The following ZCCHC14 variants were observed in gnomAD, a reference collection of about 807,000 sequenced individuals.
ZCCHC14 encodes the protein zinc finger CCHC domain-containing protein 14.
ZCCHC14 carries 16 observed loss-of-function variants against 85.0 expected under a neutral mutation model. That is an observed-to-expected ratio of 0.19 (90% confidence interval 0.13 to 0.29). The LOEUF (loss-of-function observed/expected upper bound fraction) is 0.29, where lower values mean the gene tolerates loss of function less well. Among genes scored for constraint, ZCCHC14 ranks in the 10% least tolerant of loss-of-function variants. The pLI is 1.00. For synonymous variants in ZCCHC14, 775 were observed against 630.7 expected, an observed-to-expected ratio of 1.23 and a Z score of -3.43; for missense variants, 1,303 against 1,443.5, an observed-to-expected ratio of 0.90 and a Z score of 1.58.
intron 1 of ZCCHC14, chr16:87,473,184 G>C (rs553136258): frequency 1.3e-5 from 2 of 151,964 alleles, no homozygotes; most frequent in Non-Finnish European, 2.9e-5. Context: ...CATTCCCTGA[G>C]GTTATCTTTA....
chr16:87,478,480 G>A (rs1912122649), intron 1 of ZCCHC14, among the ~76,000 whole-genome samples: 1 of 152,188 alleles, frequency 6.6e-6, no homozygotes, highest in Non-Finnish European at 1.5e-5. Context: ...CTGGAGTCAG[G>A]AGAATCTCCC....
At chr16:87,427,276 T>G (rs147100083) in intron 3 of ZCCHC14, among the ~76,000 whole-genome samples, 368 of 152,342 alleles carry the variant, frequency 2.4e-3, no homozygotes, top group Non-Finnish European at 4.4e-3. Context: ...GCCTGAGGAA[T>G]CACTGGGCCC....
intron 3 of ZCCHC14, among the ~76,000 whole-genome samples, chr16:87,425,010 C>G (rs1909295198): frequency 6.6e-6 from 1 of 152,194 alleles, no homozygotes; most frequent in Admixed American, 6.5e-5. Flanking sequence ...CACCCACACC[C>G]ACACCCACAT....
At chr16:87,468,976 T>G (rs918447878) in intron 1 of ZCCHC14, among the ~76,000 whole-genome samples, 1 of 152,226 alleles carries the variant, frequency 6.6e-6, no homozygotes, top group African/African-American at 2.4e-5. Flanking sequence ...TAGACATCTT[T>G]AAAAAGAATA....
intron 12 of ZCCHC14, chr16:87,411,285 A>G: frequency 7.7e-7 from 1 of 1,304,600 alleles, no homozygotes. Flanking sequence ...CACACTGGCT[A>G]AGCACCTTCT....
intron 1 of ZCCHC14, among the ~76,000 whole-genome samples, chr16:87,487,604 C>T (rs1014606285): frequency 6.6e-5 from 10 of 152,256 alleles, no homozygotes; most frequent in African/African-American, 2.2e-4. Flanking sequence ...AGGACAGCCC[C>T]GCACCGACAC....
intron 1 of ZCCHC14, among the ~76,000 whole-genome samples, chr16:87,489,979 T>A (rs1330787138): frequency 2.6e-5 from 4 of 152,184 alleles, no homozygotes; most frequent in Non-Finnish European, 5.9e-5. Flanking sequence ...ATGACTGAGA[T>A]TCCATGAATA....
chr16:87,445,484 TA>T (rs1910392532), intron 2 of ZCCHC14, among the ~76,000 whole-genome samples: 1 of 152,250 alleles, frequency 6.6e-6, no homozygotes, highest in Non-Finnish European at 1.5e-5. Flanking sequence ...TTCTTTCTGT[TA>T]ATTATGATTG....
intron 2 of ZCCHC14, among the ~76,000 whole-genome samples, chr16:87,455,585 A>T (rs1055757843): frequency 6.6e-6 from 1 of 152,166 alleles, no homozygotes; most frequent in Non-Finnish European, 1.5e-5. Context: ...TTCTTCAGGG[A>T]AATTGAGAAA....
intron 3 of ZCCHC14, among the ~76,000 whole-genome samples, chr16:87,432,825 C>G (rs901096788): frequency 1.3e-5 from 2 of 152,192 alleles, no homozygotes; most frequent in Admixed American, 6.5e-5. Flanking sequence ...TCTGTGTGCG[C>G]TGCTCCGCAG....
chr16:87,451,954 T>A (rs893225742), intron 2 of ZCCHC14, among the ~76,000 whole-genome samples: 20 of 152,254 alleles, frequency 1.3e-4, no homozygotes, highest in Non-Finnish European at 2.6e-4. Flanking sequence ...TGTCCTCGCC[T>A]GAGCAAAAGG....
intron 3 of ZCCHC14, among the ~76,000 whole-genome samples, chr16:87,428,123 A>G (rs1354237318): frequency 3.9e-5 from 6 of 152,158 alleles, no homozygotes; most frequent in African/African-American, 1.4e-4. Context: ...ACTAGCGATT[A>G]TAATTTCAGC....
rs183802164 is a variant in ZCCHC14, at chr16:87,418,066, C to A, written c.1101-324G>T. 8.5e-5 allele frequency: 29 copies of A among 340,458 alleles called. No individual in the cohort carries two copies. In the East Asian group the frequency reaches 1.2e-3, roughly 14 times the overall value. The allele number at this position is 340,458 out of a possible 1,614,324, so 21.1% of individuals were successfully genotyped here. On this transcript the variant is annotated intron_variant, in intron 7 of 12. Transcript: ENST00000671377. Reference sequence around the variant, plus strand: ...TACGTATGTGTATTATGTATGTGTACGTCTCTGTCCCCACCAGACTTCTGC... The same window carrying A: ...TACGTATGTGTATTATGTATGTGTAAGTCTCTGTCCCCACCAGACTTCTGC...
At chr16:87,476,265 T>C (rs1455706240) in intron 1 of ZCCHC14, among the ~76,000 whole-genome samples, 1 of 152,010 alleles carries the variant, frequency 6.6e-6, no homozygotes, top group Non-Finnish European at 1.5e-5. Context: ...ACTGGATCGG[T>C]AAGGAATGAA....
chr16:87,431,503 A>C (rs1909661861), intron 3 of ZCCHC14, among the ~76,000 whole-genome samples: 1 of 151,230 alleles, frequency 6.6e-6, no homozygotes, highest in East Asian at 1.9e-4. Context: ...AAAAGAAAAG[A>C]GAAAAGTAAA....
At chr16:87,483,942 G>A (rs1567545424) in intron 1 of ZCCHC14, among the ~76,000 whole-genome samples, 3 of 152,212 alleles carry the variant, frequency 2.0e-5, no homozygotes, top group African/African-American at 7.2e-5. Flanking sequence ...GGAACAAAAT[G>A]TTATCTATAG....
intron 2 of ZCCHC14, among the ~76,000 whole-genome samples, chr16:87,455,494 T>C (rs990351546): frequency 6.6e-6 from 1 of 152,142 alleles, no homozygotes; most frequent in East Asian, 1.9e-4. Flanking sequence ...GGGGGGCTCA[T>C]AGAGGGCGCA....
chr16:87,428,888 G>A (rs1012289148), intron 3 of ZCCHC14, among the ~76,000 whole-genome samples: 3 of 70,608 alleles, frequency 4.2e-5, no homozygotes, highest in Non-Finnish European at 9.4e-5. Flanking sequence ...AGACCCCTCA[G>A]CATTACTGCC....
rs1041369091 is a variant in ZCCHC14 at position 87,412,621 on chromosome 16, C to A, written c.2100G>T (p.Leu700=). The change falls in exon 12 of 13, where the codon CTG becomes CTT. Residue 700 remains leucine, a synonymous_variant. Transcript: ENST00000671377. ...KSFGSAMMDV[L]PASAPHQPVQ... is the part of the protein sequence containing the mutation. The stretch of plus-strand genomic sequence containing the variant: ...CAGGCTGGTGGGGTGCGGACGCGGG[C>A]AGCACGTCCATCATGGCGCTGCCAA... 4 of 1,614,078 alleles carry A rather than the reference C, an allele frequency of 2.5e-6. No individual in the cohort carries two copies. In the African/African-American group the frequency reaches 5.3e-5, roughly 22 times the overall value.
Sources: allele counts gnomAD v4.1 joint callset (sites outside exome capture counted in the v4.1 genomes callset), GRCh38; gene constraint gnomAD v4.1.1; transcripts MANE v1.5; gene names NCBI Gene and HGNC (gene_info 2026-07-23, HGNC 2026-07-21).